Variants in NTRK3 observed in about 807,000 individuals in gnomAD.
NTRK3 encodes the protein neurotrophic receptor tyrosine kinase 3, also known as NT-3 growth factor receptor.
In NTRK3, 24 loss-of-function variants were observed where a neutral mutation model predicts 91.7. That is an observed-to-expected ratio of 0.26 (90% CI 0.19 to 0.37). NTRK3 has a LOEUF of 0.37. Ranked by LOEUF, NTRK3 falls within the 10% of genes least tolerant of loss-of-function variation. NTRK3 has a pLI of 1.00. For synonymous variants in NTRK3, 483 were observed against 404.0 expected, an observed-to-expected ratio of 1.20 and a Z score of -2.34; for missense variants, 880 against 1,068.9, an observed-to-expected ratio of 0.82 and a Z score of 2.46.
intron 15 of NTRK3, among the ~76,000 whole-genome samples, chr15:87,933,599 T>A (rs966141242): frequency 1.3e-5 from 2 of 152,252 alleles, no homozygotes; most frequent in African/African-American, 4.8e-5. Context: ...GCCCCAATAC[T>A]TTAGCTTTGT....
chr15:88,111,115 C>T (rs755522857), intron 13 of NTRK3, among the ~76,000 whole-genome samples: 2 of 152,126 alleles, frequency 1.3e-5, no homozygotes, highest in African/African-American at 2.4e-5. Flanking sequence ...AGATGATGAG[C>T]GATGGGGTGG....
exon 19 of NTRK3, chr15:87,874,733 T>C (rs1451081033): frequency 4.3e-6 from 1 of 232,306 alleles, no homozygotes; most frequent in East Asian, 6.1e-5. Flanking sequence ...TGTTCTTAGC[T>C]ACCCAGATCA....
intron 13 of NTRK3, among the ~76,000 whole-genome samples, chr15:88,074,987 T>G (rs752377010): frequency 7.2e-5 from 11 of 152,192 alleles, no homozygotes; most frequent in Non-Finnish European, 1.3e-4. Flanking sequence ...TACACCCAAT[T>G]CCACTCCACG....
intron 14 of NTRK3, among the ~76,000 whole-genome samples, chr15:88,011,974 T>C (rs962244385): frequency 1.3e-5 from 2 of 152,166 alleles, no homozygotes; most frequent in African/African-American, 2.4e-5. Context: ...GAAGACCCAG[T>C]GAGGCAGATC....
At chr15:87,964,458 T>C (rs1267534306) in intron 14 of NTRK3, among the ~76,000 whole-genome samples, 2 of 151,828 alleles carry the variant, frequency 1.3e-5, no homozygotes, top group African/African-American at 4.8e-5. Flanking sequence ...ATATTTATTA[T>C]ATAACTTATT....
chr15:88,085,364 G>A (rs546060096), intron 13 of NTRK3, among the ~76,000 whole-genome samples: 57 of 152,344 alleles, frequency 3.7e-4, no homozygotes, highest in Admixed American at 2.0e-3. Context: ...GAAATGCAAG[G>A]GAGGTGACAG....
chr15:88,101,648 A>G (rs2050186413), intron 13 of NTRK3, among the ~76,000 whole-genome samples: 1 of 152,248 alleles, frequency 6.6e-6, no homozygotes, highest in South Asian at 2.1e-4. Flanking sequence ...CTGGATTAAG[A>G]AAATGTGGCA....
intron 17 of NTRK3, among the ~76,000 whole-genome samples, chr15:87,892,341 A>G (rs2141580672): frequency 6.6e-6 from 1 of 152,314 alleles, no homozygotes; most frequent in South Asian, 2.1e-4. Context: ...CAGCTGAGAG[A>G]AGATTGAAAG....
chr15:88,081,089 T>C (rs752777120), intron 13 of NTRK3, among the ~76,000 whole-genome samples: 14 of 152,180 alleles, frequency 9.2e-5, no homozygotes, highest in African/African-American at 2.2e-4. Flanking sequence ...CTAGCACAGA[T>C]TGGCAAAGGG....
intron 5 of NTRK3, among the ~76,000 whole-genome samples, chr15:88,163,062 C>T (rs1269734136): frequency 6.6e-6 from 1 of 152,134 alleles, no homozygotes; most frequent in Non-Finnish European, 1.5e-5. Flanking sequence ...CTCTCCCTAC[C>T]TCCTATCTCT....
At chr15:88,226,356 G>A (rs548486336) in intron 3 of NTRK3, among the ~76,000 whole-genome samples, 1 of 152,290 alleles carries the variant, frequency 6.6e-6, no homozygotes, top group African/African-American at 2.4e-5. Flanking sequence ...ATCCCAGGAA[G>A]TGCCGACTGG....
At chr15:87,996,519 C>T (rs757953018) in intron 14 of NTRK3, among the ~76,000 whole-genome samples, 1 of 152,092 alleles carries the variant, frequency 6.6e-6, no homozygotes, top group Non-Finnish European at 1.5e-5. Flanking sequence ...CTGGGCTGCT[C>T]CAGGGTTCTC....
intron 14 of NTRK3, among the ~76,000 whole-genome samples, chr15:87,965,098 G>C (rs1018976043): frequency 6.6e-6 from 1 of 152,198 alleles, no homozygotes; most frequent in South Asian, 2.1e-4. Flanking sequence ...ATGTGTATGT[G>C]CATGTGCACG....
intron 16 of NTRK3, among the ~76,000 whole-genome samples, chr15:87,930,055 G>A (rs1322322312): frequency 6.6e-6 from 1 of 152,156 alleles, no homozygotes; most frequent in Non-Finnish European, 1.5e-5. Flanking sequence ...TTGCTCATTT[G>A]CATCTCCCAC....
chr15:88,190,686 C>T (rs761370694), intron 3 of NTRK3, among the ~76,000 whole-genome samples: 5 of 152,134 alleles, frequency 3.3e-5, no homozygotes, highest in Non-Finnish European at 5.9e-5. Context: ...AGAGCTGGCA[C>T]CTGGAATTAG....
rs112471407 is a variant in NTRK3 at position 87,904,246 on chromosome 15, G to A, written c.2134-23818C>T. On this transcript the variant is annotated intron_variant, in intron 17 of 18. Transcript: ENST00000394480. ...GCTCGCTGCAACCTCAGTTTCCGGG[G>A]TTCAAGTGCTTCTCCTGCCTCAGCC... Among the ~76,000 whole-genome samples, 1,500 of 152,146 alleles carry A rather than the reference G, an allele frequency of 9.9e-3. 18 individuals carry two copies. Among genetic ancestry groups the A allele is most frequent in the African/African-American group, 0.029 (1,194 of 41,482 alleles).
At chr15:88,101,768 C>CA (rs1203837516) in intron 13 of NTRK3, among the ~76,000 whole-genome samples, 11 of 152,052 alleles carry the variant, frequency 7.2e-5, no homozygotes, top group African/African-American at 2.2e-4. Context: ...ATCACAAGGA[C>CA]AAAAAACCAA....
At chr15:88,037,369 C>G (rs1206348867) in intron 13 of NTRK3, among the ~76,000 whole-genome samples, 1 of 152,132 alleles carries the variant, frequency 6.6e-6, no homozygotes, top group Non-Finnish European at 1.5e-5. Context: ...CGAGACCAGC[C>G]TGGCCAACAA....
chr15:87,984,049 A>T (rs1409712493), intron 14 of NTRK3, among the ~76,000 whole-genome samples: 1 of 152,158 alleles, frequency 6.6e-6, no homozygotes, highest in African/African-American at 2.4e-5. Context: ...CTTCATTTTG[A>T]TGATGTTTCA....
Sources: allele counts gnomAD v4.1 joint callset (sites outside exome capture counted in the v4.1 genomes callset), GRCh38; gene constraint gnomAD v4.1.1; transcripts MANE v1.5; gene names NCBI Gene and HGNC (gene_info 2026-07-23, HGNC 2026-07-21).